AK3: variants seen among roughly 807,000 people sequenced by gnomAD.
The protein encoded by AK3 is adenylate kinase 3, also known as GTP:AMP phosphotransferase AK3, mitochondrial.
AK3 carries 27 observed loss-of-function variants against 23.7 expected under a neutral mutation model. The ratio of observed to expected loss-of-function variants is 1.14; its 90% confidence interval spans 0.84 to 1.57. The LOEUF (loss-of-function observed/expected upper bound fraction) is 1.57, where lower values mean the gene tolerates loss of function less well. Among genes scored for constraint, AK3 ranks in the 40% most tolerant of loss-of-function variants. AK3 has a pLI of 0.00. For missense variants in AK3, 406 were observed against 285.6 expected (o/e 1.42, Z -3.04); for synonymous variants, 159 against 116.0 (o/e 1.37, Z -2.38).
At chr9:4,722,379 G>C (rs577270589) in intron 2 of AK3, 127 bp downstream of exon 2, 2 of 1,338,032 alleles carry the variant, frequency 1.5e-6, no homozygotes, top group East Asian at 2.4e-5. Context: ...CTGGTTTCAG[G>C]ATAGTCCCAA....
chr9:4,719,832 G>A (rs1271154038), intron 2 of AK3, among the ~76,000 whole-genome samples: 3 of 152,132 alleles, frequency 2.0e-5, no homozygotes, highest in Non-Finnish European at 4.4e-5. Context: ...TTGGGAGGCT[G>A]AGGAGGGCGG....
chr9:4,733,050 T>C (rs1160211468), intron 1 of AK3, among the ~76,000 whole-genome samples: 1 of 151,938 alleles, frequency 6.6e-6, no homozygotes, highest in Non-Finnish European at 1.5e-5. Context: ...GGTCTCACTA[T>C]GTTGCCCAGG....
At chr9:4,733,658 C>G (rs1304354956) in intron 1 of AK3, among the ~76,000 whole-genome samples, 1 of 152,170 alleles carries the variant, frequency 6.6e-6, no homozygotes, top group Non-Finnish European at 1.5e-5. Context: ...TCTACACTCC[C>G]CTTCCCATTC....
chr9:4,721,639 A>G (rs1396329006), intron 2 of AK3, among the ~76,000 whole-genome samples: 1 of 151,932 alleles, frequency 6.6e-6, no homozygotes, highest in Non-Finnish European at 1.5e-5. Context: ...TTGTATTTTT[A>G]GTAGAGATGG....
At chr9:4,732,493 C>T (rs1460264854) in intron 1 of AK3, among the ~76,000 whole-genome samples, 1 of 151,952 alleles carries the variant, frequency 6.6e-6, no homozygotes. Context: ...TTTTTTGATT[C>T]AAAAGTTAAC....
chr9:4,719,181 G>C lies in AK3; in HGVS notation c.398C>G (p.Ala133Gly). 1.9e-6 allele frequency: 3 copies of C among 1,611,862 alleles called. No homozygotes were observed. Among genetic ancestry groups the C allele is most frequent in the Non-Finnish European group, 2.5e-6 (3 of 1,179,836 alleles). Residue 133 changes from alanine to glycine, a missense_variant, in exon 3 of 5, where the codon GCC becomes GGC. Ala to Gly is a moderately conservative substitution (Grantham distance 60). Coordinates refer to ENST00000381809, the MANE Select transcript of AK3 (RefSeq NM_016282.4). ...TTCAATGTTATAGACTCGGCCACTG[G>C]CGGGATGAATCCAGCGAGCAGTAAG... ...QRLTARWIHP[A>G]SGRVYNIEFN... is the part of the protein sequence containing the mutation.
chr9:4,718,521 G>C lies in AK3; in HGVS notation c.461C>G (p.Thr154Ser). 6.2e-7 allele frequency: 1 copy of C among 1,613,380 alleles called. No individual in the cohort carries two copies. Among genetic ancestry groups the C allele is most frequent in the Non-Finnish European group, 8.5e-7 (1 of 1,179,476 alleles). The change falls in exon 4 of 5, where the codon ACT becomes AGT. Residue 154 changes from threonine (T) to serine (S), a missense_variant. By Grantham distance (58) the Thr-to-Ser change is moderately conservative. Coordinates refer to ENST00000381809, the MANE Select transcript of AK3 (RefSeq NM_016282.4). The part of the protein sequence containing the change: ...PPKTVGIDDL[T>S]GEPLIQREDD... The stretch of plus-strand genomic sequence containing the variant: ...CTCACGCTGAATGAGAGGCTCCCCA[G>C]TCAGGTCATCAATGCCCTAAACAGG...
At chr9:4,738,932 CA>C (rs2130918495) in intron 1 of AK3, among the ~76,000 whole-genome samples, 1 of 152,032 alleles carries the variant, frequency 6.6e-6, no homozygotes, top group Non-Finnish European at 1.5e-5. Flanking sequence ...CCACCATGCC[CA>C]GCTAATTTTT....
intron 4 of AK3, among the ~76,000 whole-genome samples, chr9:4,715,963 A>G (rs1460956529): frequency 6.6e-6 from 1 of 152,122 alleles, no homozygotes; most frequent in Non-Finnish European, 1.5e-5. Context: ...TTTGCTGGCA[A>G]AAGAGGCTCT....
intron 1 of AK3, among the ~76,000 whole-genome samples, chr9:4,732,491 T>C (rs1160119692): frequency 6.6e-6 from 1 of 152,094 alleles, no homozygotes; most frequent in Non-Finnish European, 1.5e-5. Flanking sequence ...CCTTTTTTGA[T>C]TCAAAAGTTA....
chr9:4,722,170 T>C (rs931833794), intron 2 of AK3, among the ~76,000 whole-genome samples: 3 of 152,224 alleles, frequency 2.0e-5, no homozygotes, highest in Non-Finnish European at 4.4e-5. Flanking sequence ...GATTCGGCCA[T>C]ACTCCTGGCT....
At chr9:4,732,054 A>G (rs1842166748) in intron 1 of AK3, among the ~76,000 whole-genome samples, 1 of 152,124 alleles carries the variant, frequency 6.6e-6, no homozygotes, top group Non-Finnish European at 1.5e-5. Context: ...GGTCCAAGTG[A>G]TCCTCCCACC....
At chr9:4,738,961 C>T (rs541467738) in intron 1 of AK3, among the ~76,000 whole-genome samples, 9 of 151,640 alleles carry the variant, frequency 5.9e-5, no homozygotes, top group Admixed American at 3.3e-4. Context: ...TTGGTAGAGA[C>T]GGGGGTTTCG....
intron 1 of AK3, among the ~76,000 whole-genome samples, chr9:4,727,117 A>G (rs1013725796): frequency 6.6e-6 from 1 of 152,202 alleles, no homozygotes; most frequent in African/African-American, 2.4e-5. Flanking sequence ...CATTCCATTT[A>G]CAGAGCACAG....
intron 1 of AK3, among the ~76,000 whole-genome samples, chr9:4,725,932 T>G (rs1168226421): frequency 6.6e-6 from 1 of 152,038 alleles, no homozygotes; most frequent in Non-Finnish European, 1.5e-5. Flanking sequence ...CTGGAGATAT[T>G]GTGGGTTTGG....
chr9:4,718,066 C>G (rs989637284), intron 4 of AK3, among the ~76,000 whole-genome samples: 1 of 152,208 alleles, frequency 6.6e-6, no homozygotes, highest in African/African-American at 2.4e-5. Context: ...CCGAGTGGTG[C>G]TCTGGGCTTC....
intron 1 of AK3, among the ~76,000 whole-genome samples, chr9:4,727,775 T>C (rs4394450): frequency 0.5 from 75,520 of 152,068 alleles, 20,138 homozygotes; most frequent in East Asian, 0.74. Context: ...GTTTTCAGCA[T>C]GCCTTCCTCA....
chr9:4,717,616 C>G (rs948280995), intron 4 of AK3, among the ~76,000 whole-genome samples: 1 of 152,164 alleles, frequency 6.6e-6, no homozygotes, highest in African/African-American at 2.4e-5. Context: ...TATGATGGTG[C>G]GAAAGCAACA....
Position 4,736,451 on chromosome 9 carries a change from A to T in AK3, c.151+4486T>A, listed in dbSNP as rs141044592. Reference sequence around the variant, plus strand: ...TTATATTTTTGGAATTGCCTATTACAAATTAAATGTTTTACCATTCCAAAA... The same window carrying T: ...TTATATTTTTGGAATTGCCTATTACTAATTAAATGTTTTACCATTCCAAAA... On this transcript the variant is annotated intron_variant, in intron 1 of 4. Coordinates refer to ENST00000381809, the MANE Select transcript of AK3 (RefSeq NM_016282.4). Among the ~76,000 whole-genome samples, 151 of 142,332 alleles carry T rather than the reference A, an allele frequency of 1.1e-3. 1 individual carries two copies. The highest frequency in any genetic ancestry group is 3.8e-3 in the African/African-American group (146 of 38,466). The allele number at this position is 142,332 out of a possible 152,430, so 93.4% of individuals were successfully genotyped here. A position where few individuals can be genotyped will look rare whatever the true frequency, so the allele number is the denominator to read the frequency against.
Sources: gnomAD v4.1 joint callset for allele counts (sites outside exome capture counted in the v4.1 genomes callset) on GRCh38, gnomAD v4.1.1 for gene constraint, MANE v1.5 for transcripts, NCBI Gene and HGNC (gene_info 2026-07-23, HGNC 2026-07-21) for gene names.